Variants in MYOM2 observed in about 807,000 individuals in gnomAD.
MYOM2 encodes the protein myomesin 2, also known as myomesin-2.
MYOM2 carries 254 observed loss-of-function variants against 187.6 expected under a neutral mutation model. That is an observed-to-expected ratio of 1.35 (90% CI 1.22 to 1.50). The LOEUF (loss-of-function observed/expected upper bound fraction) is 1.50, where lower values mean the gene tolerates loss of function less well. Ranked by LOEUF, MYOM2 falls within the 40% of genes most tolerant of loss-of-function variation. The pLI is 0.00. For synonymous variants in MYOM2, 981 were observed against 753.8 expected, an observed-to-expected ratio of 1.30 and a Z score of -4.94; for missense variants, 2,796 against 1,924.0, an observed-to-expected ratio of 1.45 and a Z score of -8.48.
At chr8:2,048,424 C>G (rs149953357) in intron 1 of MYOM2, among the ~76,000 whole-genome samples, 17 of 152,364 alleles carry the variant, frequency 1.1e-4, no homozygotes, top group African/African-American at 3.4e-4. Flanking sequence ...ATTGGAAAAT[C>G]CCAGTGAGCT....
At chr8:2,100,503 G>A (rs1345386099) in intron 19 of MYOM2, 2 of 240,832 alleles carry the variant, frequency 8.3e-6, no homozygotes, top group Admixed American at 9.7e-5. Flanking sequence ...CGGCCAGGTA[G>A]GCAGGCTCCC....
rs780613154 is a variant in MYOM2, at chr8:2,078,772, A to G, written c.1301A>G (p.Asp434Gly). Residue 434 changes from aspartate to glycine, a missense_variant, in exon 12 of 37, where the codon GAT becomes GGT. By Grantham distance (94) the Asp-to-Gly change is moderately conservative. Coordinates refer to ENST00000262113, the MANE Select transcript of MYOM2 (RefSeq NM_003970.4). ...ACGAATAATTGGGTGCAGTGCAATG[A>G]TGCACCGGTGAAAATCTGCAAATAC... ...VGTNNWVQCN[D>G]APVKICKYPV... 21 of 1,614,044 alleles carry G rather than the reference A, an allele frequency of 1.3e-5. No individual in the cohort carries two copies. The highest frequency in any genetic ancestry group is 1.7e-5 in the Non-Finnish European group (20 of 1,180,042).
chr8:2,057,288 G>A (rs752819504), intron 3 of MYOM2, 60 bp from the exon 4 acceptor site: 6 of 1,548,260 alleles, frequency 3.9e-6, no homozygotes, highest in African/African-American at 1.4e-5. Flanking sequence ...TCCGGCCTTC[G>A]GGGGCCACGT....
At chr8:2,131,962 C>T (rs1398888662) in intron 32 of MYOM2, among the ~76,000 whole-genome samples, 1 of 152,124 alleles carries the variant, frequency 6.6e-6, no homozygotes, top group African/African-American at 2.4e-5. Context: ...TTCTTTAACA[C>T]CTTTATAACT....
At chr8:2,073,610 A>G (rs1244775602) in intron 10 of MYOM2, 110 bp downstream of exon 10, 1 of 1,316,566 alleles carries the variant, frequency 7.6e-7, no homozygotes, top group Admixed American at 2.9e-5. Context: ...GTGTGAGACC[A>G]CTTTGCTCCT....
At chr8:2,144,400 C>T (rs923501655) in intron 36 of MYOM2, among the ~76,000 whole-genome samples, 2 of 152,166 alleles carry the variant, frequency 1.3e-5, no homozygotes, top group Non-Finnish European at 2.9e-5. Context: ...TTGACTTAGG[C>T]TATGGATAAA....
rs187185965 is a variant in MYOM2, at chr8:2,100,542, C to G, written c.2441-334C>G. The G allele has an allele frequency of 1.6e-3, 459 of 279,132 alleles. 5 individuals are homozygous for G. The highest frequency in any genetic ancestry group is 8.9e-3 in the African/African-American group (414 of 46,732). The allele number at this position is 279,132 out of a possible 1,614,324, so 17.3% of individuals were successfully genotyped here. A position where few individuals can be genotyped will look rare whatever the true frequency, so the allele number is the denominator to read the frequency against. On this transcript the variant is annotated intron_variant, in intron 19 of 36. Coordinates refer to ENST00000262113, the MANE Select transcript of MYOM2 (RefSeq NM_003970.4). ...GTGACTGTGACTGCCAGGTGTCCAG[C>G]CCCGTGGAGGGTAACTTGAGAACCT...
At chr8:2,087,090 G>C (rs1796118374) in intron 14 of MYOM2, among the ~76,000 whole-genome samples, 1 of 152,180 alleles carries the variant, frequency 6.6e-6, no homozygotes, top group African/African-American at 2.4e-5. Flanking sequence ...TGACATTAAA[G>C]GCACAGGTTG....
rs529467044 is a variant in MYOM2, at chr8:2,138,397, C to T, written c.3801-2326C>T. 7.7e-4 allele frequency among the ~76,000 whole-genome samples: 117 copies of T among 152,326 alleles called. No individual in the cohort carries two copies. In the South Asian group the frequency reaches 0.01, roughly 13 times the overall value. On this transcript the variant is annotated intron_variant, in intron 32 of 36. Transcript: ENST00000262113. ...CCTGGGGCTCTGCTGCGGGGTCAGCCTTCGTGAGGCTCCCAGGTCAGCAAC... is the reference window on the plus strand; with the variant it reads ...CCTGGGGCTCTGCTGCGGGGTCAGCTTTCGTGAGGCTCCCAGGTCAGCAAC...
chr8:2,128,202 C>T (rs138010996), intron 31 of MYOM2, among the ~76,000 whole-genome samples: 12 of 152,170 alleles, frequency 7.9e-5, no homozygotes, highest in Non-Finnish European at 1.8e-4. Context: ...CAAGCAAAGG[C>T]TCTTTCAGGA....
At chr8:2,068,438 T>C (rs1819096342) in intron 6 of MYOM2, among the ~76,000 whole-genome samples, 1 of 146,824 alleles carries the variant, frequency 6.8e-6, no homozygotes, top group Non-Finnish European at 1.5e-5. Flanking sequence ...TGGGGACAGC[T>C]CTTCAATGCC....
chr8:2,092,475 C>T lies in MYOM2; in HGVS notation c.1958C>T (p.Thr653Ile). 9 of 1,614,110 alleles carry T rather than the reference C, an allele frequency of 5.6e-6. No individual in the cohort carries two copies. The highest frequency in any genetic ancestry group is 7.6e-6 in the Non-Finnish European group (9 of 1,180,016). Residue 653 changes from threonine (T) to isoleucine (I), a missense_variant, in exon 16 of 37, where the codon ACC (threonine) becomes ATC (isoleucine). Physicochemically the swap from Thr to Ile is moderately conservative, Grantham distance 89. Coordinates refer to ENST00000262113, the MANE Select transcript of MYOM2 (RefSeq NM_003970.4). ...TACGTGGACTGCTGTGTGGCCGGAA[C>T]CAACCTCTGGGAGCCCTGCAACCAC... ...GYYVDCCVAG[T>I]NLWEPCNHKP...
In MYOM2 at chr8:2,140,774, G is replaced by C. The variant is rs34735757; in HGVS notation, c.3852G>C (p.Glu1284Asp). ...SEHMRIGGSE[E>D]MAWLQICEPT... Reference sequence around the variant, plus strand: ...ATATGAGAATCGGGGGGAGTGAAGAGATGGCTTGGCTGCAGATATGTGAGC... The same window carrying C: ...ATATGAGAATCGGGGGGAGTGAAGACATGGCTTGGCTGCAGATATGTGAGC... The change falls in exon 33 of 37, where the codon GAG (glutamate) becomes GAC (aspartate). Residue 1284 changes from glutamate to aspartate, a missense_variant. By Grantham distance (45) the Glu-to-Asp change is conservative. Transcript: ENST00000262113. The C allele has an allele frequency of 1.9e-3, 3,055 of 1,614,150 alleles. 44 individuals are homozygous for C. In the African/African-American group the frequency reaches 0.036, roughly 19 times the overall value.
rs756902489 is a variant in MYOM2, at chr8:2,124,188, A to G, written c.3665A>G (p.Asp1222Gly). The stretch of plus-strand genomic sequence containing the variant: ...CCCTTCTCATTTTCAGTGTATGATG[A>G]TATGATTTTGGCAATGAGTAGAGTC... Reference protein sequence around the residue: ...ILEIAGKVYDDMILAMSRVCG... With the variant: ...ILEIAGKVYDGMILAMSRVCG... Residue 1222 changes from aspartate (D) to glycine (G), a missense_variant, in exon 31 of 37, where the codon GAT becomes GGT. Coordinates refer to ENST00000262113, the MANE Select transcript of MYOM2 (RefSeq NM_003970.4). 11 of 1,612,816 alleles carry G rather than the reference A, an allele frequency of 6.8e-6. No individual in the cohort carries two copies. In the East Asian group the frequency reaches 2.2e-4, roughly 33 times the overall value.
intron 2 of MYOM2, among the ~76,000 whole-genome samples, chr8:2,051,942 C>T (rs112274275): frequency 0.032 from 4,840 of 152,258 alleles, 275 homozygotes; most frequent in African/African-American, 0.11. Context: ...CACATGTGTA[C>T]GCATGTATTG....
intron 35 of MYOM2, 25 bp downstream of exon 35, chr8:2,142,422 A>AG (rs745598966): frequency 6.2e-7 from 1 of 1,612,778 alleles, no homozygotes; most frequent in South Asian, 1.1e-5. Flanking sequence ...GATTGTAACC[A>AG]GGATGGTGAA....
chr8:2,093,715 A>C (rs914344772), intron 16 of MYOM2, among the ~76,000 whole-genome samples: 1 of 152,260 alleles, frequency 6.6e-6, no homozygotes, highest in Admixed American at 6.5e-5. Flanking sequence ...GAGGAGGCCC[A>C]GAAAGTACAA....
intron 14 of MYOM2, among the ~76,000 whole-genome samples, chr8:2,089,776 A>G (rs1167556645): frequency 6.6e-6 from 1 of 152,198 alleles, no homozygotes; most frequent in East Asian, 1.9e-4. Flanking sequence ...TTAATGGAAA[A>G]AAATTTATTA....
chr8:2,087,170 G>A lies in MYOM2; in HGVS notation c.1644+1780G>A, dbSNP rs114727946. On this transcript the variant is annotated intron_variant, in intron 14 of 36. Coordinates refer to ENST00000262113, the MANE Select transcript of MYOM2 (RefSeq NM_003970.4). ...GGCCATAGTTGGATAAGACTCCAAT[G>A]TCCTACAAAGGCTGTAACTAGGGTT... Among the ~76,000 whole-genome samples the A allele has an allele frequency of 1.9e-3, 291 of 152,280 alleles. 2 individuals are homozygous for A. The highest frequency in any genetic ancestry group is 6.5e-3 in the African/African-American group (272 of 41,544).
Sources: allele counts gnomAD v4.1 joint callset (sites outside exome capture counted in the v4.1 genomes callset), GRCh38; gene constraint gnomAD v4.1.1; transcripts MANE v1.5; gene names NCBI Gene and HGNC (gene_info 2026-07-23, HGNC 2026-07-21).